B4GALT5: variants seen among roughly 807,000 people sequenced by gnomAD.
B4GALT5 encodes UDP-Gal:beta-GlcNAc beta-1,4-galactosyltransferase 5.
Under a neutral mutation model 45.0 loss-of-function variants are expected in B4GALT5, and 11 were observed. The observed-to-expected ratio is 0.24, with a 90% CI of 0.15 to 0.40. The LOEUF (loss-of-function observed/expected upper bound fraction) is 0.40, where lower values mean the gene tolerates loss of function less well. Ranked by LOEUF, B4GALT5 falls within the 10% of genes least tolerant of loss-of-function variation. B4GALT5 has a pLI of 1.00. For missense variants in B4GALT5, 337 were observed against 500.2 expected (o/e 0.67, Z 3.11); for synonymous variants, 185 against 182.9 (o/e 1.01, Z -0.09).
At chr20:49,653,696 C>T (rs1240467965) in intron 2 of B4GALT5, among the ~76,000 whole-genome samples, 1 of 152,160 alleles carries the variant, frequency 6.6e-6, no homozygotes, top group East Asian at 1.9e-4. Flanking sequence ...AGTCAAGTAT[C>T]TAATAAACAG....
chr20:49,656,591 C>T lies in B4GALT5; in HGVS notation c.227G>A (p.Arg76Lys). Reference sequence around the variant, plus strand: ...ACCTGAGTCATTTACACTGCTGTTCCTCTTGGCATAAGCACTCCGAAGCAC... The same window carrying T: ...ACCTGAGTCATTTACACTGCTGTTCTTCTTGGCATAAGCACTCCGAAGCAC... ...EQVLRSAYAK[R>K]NSSVNDSDYP... The change falls in exon 2 of 9, where the codon AGG (arginine) becomes AAG (lysine). Residue 76 changes from arginine (R) to lysine (K), a missense_variant. Around this residue, in one of 2 missense-constraint regions of B4GALT5, gnomAD observed 174 missense variants for 207.4 expected, o/e 0.84. Transcript: ENST00000371711. 6.2e-7 allele frequency: 1 copy of T among 1,614,166 alleles called. No homozygotes were observed. The highest frequency in any genetic ancestry group is 8.5e-7 in the Non-Finnish European group (1 of 1,180,012).
intron 1 of B4GALT5, among the ~76,000 whole-genome samples, chr20:49,662,265 A>C (rs1333053261): frequency 3.3e-5 from 5 of 152,098 alleles, no homozygotes; most frequent in Non-Finnish European, 2.9e-5. Flanking sequence ...ACATATGCAA[A>C]CATACAACAC....
intron 1 of B4GALT5, among the ~76,000 whole-genome samples, chr20:49,700,638 TA>T (rs2085857794): frequency 6.6e-6 from 1 of 152,068 alleles, no homozygotes; most frequent in Non-Finnish European, 1.5e-5. Flanking sequence ...ATAATAAAAT[TA>T]AAATAAGGGT....
At chr20:49,636,907 G>GACACACACACACACACACACACAC (rs5841760) in intron 8 of B4GALT5, among the ~76,000 whole-genome samples, 41 of 146,386 alleles carry the variant, frequency 2.8e-4, no homozygotes, top group African/African-American at 9.9e-4. Flanking sequence ...ATTTAGAAAA[G>GACACACACACACACACACACACAC]ACACACACAC....
At chr20:49,639,243 GT>G (rs554233285) in intron 7 of B4GALT5, among the ~76,000 whole-genome samples, 37 of 152,290 alleles carry the variant, frequency 2.4e-4, no homozygotes, top group Non-Finnish European at 4.9e-4. Flanking sequence ...ATTTTCGCAT[GT>G]CAAAGGAGAA....
intron 2 of B4GALT5, among the ~76,000 whole-genome samples, chr20:49,647,401 T>C (rs1217444037): frequency 6.6e-6 from 1 of 152,226 alleles, no homozygotes; most frequent in Non-Finnish European, 1.5e-5. Flanking sequence ...AGGAACCACT[T>C]GCCCTTCTTT....
intron 1 of B4GALT5, among the ~76,000 whole-genome samples, chr20:49,674,608 A>T (rs1465635693): frequency 6.6e-6 from 1 of 151,386 alleles, no homozygotes; most frequent in Non-Finnish European, 1.5e-5. Context: ...GGCACAGGAG[A>T]CCGAGGTGGG....
chr20:49,704,176 A>C (rs1224023983), intron 1 of B4GALT5, among the ~76,000 whole-genome samples: 1 of 152,238 alleles, frequency 6.6e-6, no homozygotes, highest in Non-Finnish European at 1.5e-5. Flanking sequence ...AGTAGAACTT[A>C]AAATGGGATA....
In B4GALT5 at chr20:49,701,605, G is replaced by A. The variant is rs2085862370; in HGVS notation, c.115+11971C>T. 2.0e-5 allele frequency among the ~76,000 whole-genome samples: 3 copies of A among 152,076 alleles called. No individual in the cohort carries two copies. The South Asian group carries it at 6.2e-4, about 31-fold the overall frequency. ...TGGACGAGGAAGGCACGGGGAAACA[G>A]AATATTCTGGTGAATAAAGCATTAC... On this transcript the variant is annotated intron_variant, in intron 1 of 8. Coordinates refer to ENST00000371711, the MANE Select transcript of B4GALT5 (RefSeq NM_004776.4).
At chr20:49,647,143 T>C (rs1477475626) in intron 2 of B4GALT5, 65 bp from the exon 3 acceptor site, 7 of 946,402 alleles carry the variant, frequency 7.4e-6, no homozygotes, top group African/African-American at 6.5e-5. Flanking sequence ...AATTATCAGA[T>C]GCCTACCAAG....
At chr20:49,655,267 C>T (rs2085637739) in intron 2 of B4GALT5, among the ~76,000 whole-genome samples, 1 of 151,874 alleles carries the variant, frequency 6.6e-6, no homozygotes, top group Non-Finnish European at 1.5e-5. Flanking sequence ...CCCGTCTCTA[C>T]TAAAAATACA....
At chr20:49,708,665 C>A (rs147258272) in intron 1 of B4GALT5, among the ~76,000 whole-genome samples, 132 of 152,204 alleles carry the variant, frequency 8.7e-4, no homozygotes, top group African/African-American at 3.1e-3. Context: ...AAAATGTCAT[C>A]GGCCAGGCGC....
intron 2 of B4GALT5, among the ~76,000 whole-genome samples, chr20:49,655,603 A>C (rs1217059323): frequency 6.6e-6 from 1 of 152,098 alleles, no homozygotes; most frequent in African/African-American, 2.4e-5. Flanking sequence ...TGGAAGTATT[A>C]CTTCCTTCCT....
At chr20:49,667,545 G>T (rs908431262) in intron 1 of B4GALT5, among the ~76,000 whole-genome samples, 1 of 151,224 alleles carries the variant, frequency 6.6e-6, no homozygotes, top group Non-Finnish European at 1.5e-5. Flanking sequence ...GAGCCACCGC[G>T]CCCGGCCTGT....
intron 3 of B4GALT5, among the ~76,000 whole-genome samples, chr20:49,644,543 T>C (rs2085591328): frequency 1.3e-5 from 2 of 152,346 alleles, no homozygotes; most frequent in Admixed American, 1.3e-4. Context: ...ATGCTGGTCA[T>C]CTCTGACTTA....
rs146822259 is a variant in B4GALT5, at chr20:49,655,362, T to A, written c.250+1206A>T. 7.2e-4 allele frequency among the ~76,000 whole-genome samples: 107 copies of A among 149,442 alleles called. 1 individual carries two copies. Among genetic ancestry groups the A allele is most frequent in the African/African-American group, 2.2e-3 (88 of 40,438 alleles). ...AGGAGAATCAGTTGAACCCGGGAGG[T>A]GGAGGTTACAGTGAGCCGAGATTAA... is the stretch of plus-strand genomic sequence containing the variant. On this transcript the variant is annotated intron_variant, in intron 2 of 8. Transcript: ENST00000371711.
At position 49,681,160 on chromosome 20, in the gene B4GALT5, G is replaced by T. The variant is rs77421162; in HGVS notation, c.116-24458C>A. Among the ~76,000 whole-genome samples the T allele has an allele frequency of 5.1e-3, 722 of 140,662 alleles. 6 individuals carry two copies. Among genetic ancestry groups the T allele is most frequent in the African/African-American group, 0.018 (668 of 37,494 alleles). The allele number at this position is 140,662 out of a possible 152,430, so 92.3% of individuals were successfully genotyped here. A position where few individuals can be genotyped will look rare whatever the true frequency, so the allele number is the denominator to read the frequency against. ...GAGCCCATGTGTTTTAGGTTATAGT[G>T]AGCTATGATCACACCACTGGACTCC... On this transcript the variant is annotated intron_variant, in intron 1 of 8. Coordinates refer to ENST00000371711, the MANE Select transcript of B4GALT5 (RefSeq NM_004776.4).
intron 1 of B4GALT5, among the ~76,000 whole-genome samples, chr20:49,690,295 C>G (rs1212921680): frequency 1.3e-5 from 2 of 152,150 alleles, no homozygotes; most frequent in African/African-American, 4.8e-5. Flanking sequence ...CATGAGCCAT[C>G]ATGCCTGGCC....
chr20:49,713,759 T>A lies in B4GALT5; in HGVS notation c.-69A>T. ...CCGCAGCTCCCCGTCCGCCGCCTCC[T>A]GGGCCGCCGCCGCCACCGCCTGGGC... is the stretch of plus-strand genomic sequence containing the variant. On this transcript the variant is annotated 5_prime_UTR_variant, in exon 1 of 9. Transcript: ENST00000371711. The A allele has an allele frequency of 2.3e-6, 1 of 443,800 alleles. No homozygotes were observed. Among genetic ancestry groups the A allele is most frequent in the Non-Finnish European group, 3.2e-6 (1 of 309,850 alleles). The allele number at this position is 443,800 out of a possible 1,614,324, so 27.5% of individuals were successfully genotyped here.
Sources: allele counts gnomAD v4.1 joint callset (sites outside exome capture counted in the v4.1 genomes callset), GRCh38; gene constraint gnomAD v4.1.1; regional missense constraint gnomAD v4.1.1; transcripts MANE v1.5; gene names NCBI Gene and HGNC (gene_info 2026-07-23, HGNC 2026-07-21).